ERBB4: variants seen among roughly 807,000 people sequenced by gnomAD.
The protein encoded by ERBB4 is erb-b2 receptor tyrosine kinase 4, also known as receptor tyrosine-protein kinase erbB-4.
A neutral mutation model predicts 158.0 loss-of-function variants in ERBB4; 42 were observed. The ratio of observed to expected loss-of-function variants is 0.27; its 90% CI spans 0.21 to 0.34. The LOEUF (loss-of-function observed/expected upper bound fraction) is 0.34. ERBB4 is among the 10% of genes least tolerant of loss of function. The pLI is 1.00. For missense variants in ERBB4, 1,333 were observed against 1,624.1 expected (o/e 0.82, Z 3.08); for synonymous variants, 583 against 558.7 (o/e 1.04, Z -0.61).
chr2:211,730,347 G>C (rs1211791842), intron 5 of ERBB4, among the ~76,000 whole-genome samples: 1 of 151,894 alleles, frequency 6.6e-6, no homozygotes, highest in Non-Finnish European at 1.5e-5. Context: ...ACATCACAGT[G>C]ACAAGACAAA....
intron 20 of ERBB4, among the ~76,000 whole-genome samples, chr2:211,561,370 A>G (rs2067386985): frequency 6.6e-6 from 1 of 152,206 alleles, no homozygotes; most frequent in Non-Finnish European, 1.5e-5. Context: ...CTATCACCCC[A>G]GAACACTGCC....
intron 1 of ERBB4, among the ~76,000 whole-genome samples, chr2:212,270,480 G>T (rs979833608): frequency 5.3e-5 from 8 of 151,328 alleles, no homozygotes; most frequent in African/African-American, 1.9e-4. Context: ...TATTTTCTAC[G>T]GCAGATTCAA....
At chr2:211,597,459 C>T (rs2068670744) in intron 19 of ERBB4, among the ~76,000 whole-genome samples, 1 of 152,134 alleles carries the variant, frequency 6.6e-6, no homozygotes, top group Non-Finnish European at 1.5e-5. Context: ...CACACATATA[C>T]ATCTATTTGA....
chr2:212,031,196 T>A (rs2076895338), intron 2 of ERBB4, among the ~76,000 whole-genome samples: 1 of 152,140 alleles, frequency 6.6e-6, no homozygotes, highest in Admixed American at 6.6e-5. Context: ...TAGTTGTTTT[T>A]CAAGATCCCA....
At chr2:212,289,829 G>T (rs774181407) in intron 1 of ERBB4, among the ~76,000 whole-genome samples, 1 of 152,122 alleles carries the variant, frequency 6.6e-6, no homozygotes, top group Admixed American at 6.6e-5. Context: ...ATTGCACAGA[G>T]TATTCTCAAA....
intron 1 of ERBB4, among the ~76,000 whole-genome samples, chr2:212,531,019 G>A (rs1328973792): frequency 1.3e-5 from 2 of 152,080 alleles, no homozygotes; most frequent in South Asian, 2.1e-4. Context: ...TTGGTGTTTA[G>A]TACGCTTCAG....
In ERBB4 at chr2:211,377,639, G is replaced by A; in HGVS notation, c.*5976C>T. 1 of 232,364 alleles carries A rather than the reference G, an allele frequency of 4.3e-6. No homozygotes were observed. 14.4% of individuals were successfully genotyped at this position (232,364 alleles called of 1,614,324 possible). On this transcript the variant is annotated 3_prime_UTR_variant, in exon 28 of 28. Coordinates refer to ENST00000342788, the MANE Select transcript of ERBB4 (RefSeq NM_005235.3). ...TATGATAATAAGACTCCTCATTTGGGAGAAAAAAATTTACAGCAGCTACAA... is the reference window on the plus strand; with the variant it reads ...TATGATAATAAGACTCCTCATTTGGAAGAAAAAAATTTACAGCAGCTACAA...
intron 12 of ERBB4, among the ~76,000 whole-genome samples, chr2:211,683,262 A>G (rs2072428656): frequency 6.6e-6 from 1 of 152,162 alleles, no homozygotes; most frequent in Non-Finnish European, 1.5e-5. Flanking sequence ...TATAGGCAAA[A>G]TACAGATTTC....
intron 1 of ERBB4, among the ~76,000 whole-genome samples, chr2:212,241,076 A>T (rs2084085544): frequency 6.6e-6 from 1 of 152,134 alleles, no homozygotes; most frequent in Non-Finnish European, 1.5e-5. Flanking sequence ...AATTAAACTT[A>T]TTTCCAAGTA....
At chr2:212,299,905 C>A (rs1229296461) in intron 1 of ERBB4, among the ~76,000 whole-genome samples, 1 of 151,590 alleles carries the variant, frequency 6.6e-6, no homozygotes, top group Non-Finnish European at 1.5e-5. Flanking sequence ...ATTTTAACTA[C>A]CCTGTCCTAC....
intron 2 of ERBB4, among the ~76,000 whole-genome samples, chr2:212,079,631 T>C (rs572805909): frequency 1.3e-5 from 2 of 152,240 alleles, no homozygotes; most frequent in African/African-American, 4.8e-5. Flanking sequence ...GATGGTACTA[T>C]TAATCACAAA....
chr2:211,418,476 T>C (rs895868877), intron 25 of ERBB4, among the ~76,000 whole-genome samples: 1 of 152,154 alleles, frequency 6.6e-6, no homozygotes, highest in Non-Finnish European at 1.5e-5. Flanking sequence ...TGTTTTATAA[T>C]GTGGAATAAG....
intron 1 of ERBB4, among the ~76,000 whole-genome samples, chr2:212,305,522 A>G (rs761963984): frequency 8.6e-5 from 13 of 151,292 alleles, no homozygotes; most frequent in Non-Finnish European, 1.5e-4. Context: ...TCTTAATATT[A>G]GAGTCATACA....
At chr2:212,125,104 A>C (rs1213680985) in intron 1 of ERBB4, 5 of 600,226 alleles carry the variant, frequency 8.3e-6, no homozygotes, top group African/African-American at 5.5e-5. Flanking sequence ...TGTGCTAATC[A>C]CAGAGAGTAG....
chr2:212,067,985 T>C lies in ERBB4; in HGVS notation c.234+56767A>G, dbSNP rs150066030. 7.3e-3 allele frequency among the ~76,000 whole-genome samples: 1,104 copies of C among 152,184 alleles called. 13 individuals carry two copies. Among genetic ancestry groups the C allele is most frequent in the African/African-American group, 0.025 (1,051 of 41,564 alleles). On this transcript the variant is annotated intron_variant, in intron 2 of 27. Transcript: ENST00000342788. ...ATATAGACTTAGATGCAAAAACGAATGAACAGACTACTTAGTTAAAATGGA... is the reference window on the plus strand; with the variant it reads ...ATATAGACTTAGATGCAAAAACGAACGAACAGACTACTTAGTTAAAATGGA...
intron 20 of ERBB4, among the ~76,000 whole-genome samples, chr2:211,540,801 A>G (rs1331375356): frequency 2.0e-5 from 3 of 152,018 alleles, no homozygotes; most frequent in African/African-American, 7.2e-5. Context: ...TACATAGTAC[A>G]GTACAGTAAC....
intron 2 of ERBB4, among the ~76,000 whole-genome samples, chr2:212,095,328 C>T (rs778121774): frequency 2.0e-5 from 3 of 152,110 alleles, no homozygotes; most frequent in Non-Finnish European, 4.4e-5. Flanking sequence ...TTGCTATATG[C>T]CAAGCTTTCT....
At chr2:212,177,145 C>G (rs2081692767) in intron 1 of ERBB4, among the ~76,000 whole-genome samples, 1 of 151,634 alleles carries the variant, frequency 6.6e-6, no homozygotes. Context: ...TATTGTCAGT[C>G]TATTTACAAC....
chr2:211,861,561 G>T (rs1055923013), intron 3 of ERBB4, among the ~76,000 whole-genome samples: 8 of 151,824 alleles, frequency 5.3e-5, no homozygotes, highest in African/African-American at 1.9e-4. Context: ...ACAATATAAA[G>T]AAAAACCTAT....
Sources: gnomAD v4.1 joint callset for allele counts (sites outside exome capture counted in the v4.1 genomes callset) on GRCh38, gnomAD v4.1.1 for gene constraint, MANE v1.5 for transcripts, NCBI Gene and HGNC (gene_info 2026-07-23, HGNC 2026-07-21) for gene names.